The following FBLIM1 variants were observed in gnomAD, a reference collection of about 807,000 sequenced individuals.
FBLIM1 encodes the protein filamin binding LIM protein 1, also known as filamin-binding LIM protein 1.
A neutral mutation model predicts 37.4 loss-of-function variants in FBLIM1; 29 were observed. The observed-to-expected ratio is 0.77, with a 90% CI of 0.58 to 1.06. The LOEUF is 1.06. FBLIM1 is among the 50% of genes least tolerant of loss of function. The pLI is 0.00. For synonymous variants in FBLIM1, 193 were observed against 199.0 expected (o/e 0.97, Z 0.25); for missense variants, 449 against 505.6 (o/e 0.89, Z 1.07).
At chr1:15,760,428 G>GC (rs2068612660) in intron 1 of FBLIM1, among the ~76,000 whole-genome samples, 1 of 151,832 alleles carries the variant, frequency 6.6e-6, no homozygotes, top group Non-Finnish European at 1.5e-5. Flanking sequence ...TACTCAGGAG[G>GC]CTGAGGCAGG....
intron 6 of FBLIM1, among the ~76,000 whole-genome samples, chr1:15,770,863 A>T (rs2069168287): frequency 6.6e-6 from 1 of 152,158 alleles, no homozygotes; most frequent in African/African-American, 2.4e-5. Flanking sequence ...GCCAAAACCA[A>T]GGTGGTGTGC....
chr1:15,774,478 C>T (rs2069390212), intron 6 of FBLIM1, 140 bp from the exon 7 acceptor site: 8 of 1,092,898 alleles, frequency 7.3e-6, no homozygotes, highest in Non-Finnish European at 1.0e-5. Context: ...AGGTTTTGGG[C>T]GATAGTTACA....
Position 15,786,315 on chromosome 1 carries a change from CTG to C in FBLIM1, c.*1656_*1657del, listed in dbSNP as rs1160146495. The C allele has an allele frequency of 6.6e-6, 1 of 152,164 alleles. No individual in the cohort carries two copies. The highest frequency in any genetic ancestry group is 2.4e-5 in the African/African-American group (1 of 41,446). 9.4% of individuals were successfully genotyped at this position (152,164 alleles called of 1,614,324 possible). Reference sequence around the variant, plus strand: ...GGGGCCGTGCACTGGGCAGGCTTCTCTGTAGAACCCCAGGGGCTTCGGCCCAG... The same window carrying C: ...GGGGCCGTGCACTGGGCAGGCTTCTCTAGAACCCCAGGGGCTTCGGCCCAG... On this transcript the variant is annotated 3_prime_UTR_variant, in exon 9 of 9. Transcript: ENST00000375766.
Position 15,784,761 on chromosome 1 carries a change from GCC to G in FBLIM1, c.*101_*102del. The G allele has an allele frequency of 9.4e-7, 1 of 1,066,890 alleles. No individual in the cohort carries two copies. 66.1% of individuals were successfully genotyped at this position (1,066,890 alleles called of 1,614,324 possible). ...CTGCTCTTGCACACTTTCCTTCTGA[GCC>G]TCCATGGAGACCAGCCTGCAAGCCG... On this transcript the variant is annotated 3_prime_UTR_variant, in exon 9 of 9. Coordinates refer to ENST00000375766, the MANE Select transcript of FBLIM1 (RefSeq NM_017556.4).
rs894140748 is a variant in FBLIM1 at position 15,786,386 on chromosome 1, T to C, written c.*1725T>C. The C allele has an allele frequency of 6.6e-6, 1 of 152,198 alleles. No individual in the cohort carries two copies. The highest frequency in any genetic ancestry group is 1.5e-5 in the Non-Finnish European group (1 of 68,058). The allele number at this position is 152,198 out of a possible 1,614,324, so 9.4% of individuals were successfully genotyped here. On this transcript the variant is annotated 3_prime_UTR_variant, in exon 9 of 9. Coordinates refer to ENST00000375766, the MANE Select transcript of FBLIM1 (RefSeq NM_017556.4). Reference sequence around the variant, plus strand: ...GAGCCTAGAGCAGGGAGTCCCGAACTTCTGCATTCACAGACCACCTCCACA... The same window carrying C: ...GAGCCTAGAGCAGGGAGTCCCGAACCTCTGCATTCACAGACCACCTCCACA...
At chr1:15,779,061 G>A (rs1310246135) in intron 8 of FBLIM1, among the ~76,000 whole-genome samples, 5 of 151,788 alleles carry the variant, frequency 3.3e-5, no homozygotes, top group Admixed American at 3.3e-4. Context: ...TCAGCCTCCT[G>A]AGTAGCTGGG....
At chr1:15,783,959 TG>T (rs1469342946) in intron 8 of FBLIM1, among the ~76,000 whole-genome samples, 2 of 152,070 alleles carry the variant, frequency 1.3e-5, no homozygotes, top group Admixed American at 1.3e-4. Context: ...GAAGCCAAGG[TG>T]GGCGGATCAC....
intron 1 of FBLIM1, among the ~76,000 whole-genome samples, chr1:15,760,858 G>T (rs895093688): frequency 1.3e-5 from 2 of 152,178 alleles, no homozygotes; most frequent in Non-Finnish European, 2.9e-5. Flanking sequence ...CTGACTGGGA[G>T]ATGGCCCCAG....
intron 7 of FBLIM1, chr1:15,776,954 T>G (rs1341644567): frequency 5.8e-6 from 3 of 520,476 alleles, no homozygotes; most frequent in Non-Finnish European, 1.0e-5. Context: ...CAGTTCTCAA[T>G]TCAGACAATC....
intron 8 of FBLIM1, among the ~76,000 whole-genome samples, chr1:15,780,762 C>T (rs2069615112): frequency 6.6e-6 from 1 of 152,140 alleles, no homozygotes; most frequent in South Asian, 2.1e-4. Flanking sequence ...TTTATTTAAA[C>T]AGATACTGGA....
upstream of FBLIM1, chr1:15,757,909 G>T (rs1287134650): frequency 6.6e-6 from 1 of 152,220 alleles, no homozygotes; most frequent in Non-Finnish European, 1.5e-5. This position sits in a 1 kb window ranked among gnomAD's most constrained non-coding sequence, Gnocchi z 4.1. Context: ...GAGGGGGAGG[G>T]TCACTGGATG....
intron 6 of FBLIM1, 108 bp downstream of exon 6, chr1:15,770,686 C>T (rs2148566709): frequency 7.7e-7 from 1 of 1,292,918 alleles, no homozygotes. Context: ...ACTATTGACC[C>T]CTTTCACAGA....
At chr1:15,783,920 A>G (rs1320156022) in intron 8 of FBLIM1, among the ~76,000 whole-genome samples, 1 of 152,164 alleles carries the variant, frequency 6.6e-6, no homozygotes, top group Non-Finnish European at 1.5e-5. Context: ...AGCCGGGCGC[A>G]CTGGCTCACA....
rs367878011 is a variant in FBLIM1 at position 15,784,572 on chromosome 1, G to C, written c.1033G>C (p.Glu345Gln). ...CEDCRILLSVEPTDQGCYPLN... is the reference protein window; with the variant it reads ...CEDCRILLSVQPTDQGCYPLN... ...GGACTGCAGGATCCTCCTGTCTGTC[G>C]AGCCCACGGACCAAGGCTGCTACCC... Residue 345 changes from glutamate to glutamine, a missense_variant, in exon 9 of 9, where the codon GAG becomes CAG. Transcript: ENST00000375766. 13 of 1,613,820 alleles carry C rather than the reference G, an allele frequency of 8.1e-6. No homozygotes were observed. In the Admixed American group the frequency reaches 1.0e-4, roughly 12 times the overall value.
At chr1:15,771,255 T>G (rs1013867424) in intron 6 of FBLIM1, among the ~76,000 whole-genome samples, 1 of 150,484 alleles carries the variant, frequency 6.6e-6, no homozygotes, top group Non-Finnish European at 1.5e-5. Flanking sequence ...TTTTGTTTTT[T>G]TTTTTTTTTA....
chr1:15,783,544 G>T (rs986226868), intron 8 of FBLIM1, among the ~76,000 whole-genome samples: 3 of 148,872 alleles, frequency 2.0e-5, no homozygotes, highest in Non-Finnish European at 4.5e-5. Context: ...CTTAAACAGG[G>T]TTCCTGTCTC....
chr1:15,759,148 G>C (rs2068543075), intron 1 of FBLIM1, among the ~76,000 whole-genome samples: 2 of 152,112 alleles, frequency 1.3e-5, no homozygotes, highest in Admixed American at 1.3e-4. Flanking sequence ...CGCGCAGGGC[G>C]GAAGCTCCCG....
At chr1:15,771,423 T>C (rs2148578433) in intron 6 of FBLIM1, among the ~76,000 whole-genome samples, 1 of 151,644 alleles carries the variant, frequency 6.6e-6, no homozygotes, top group African/African-American at 2.4e-5. Flanking sequence ...ATTTTTGTAT[T>C]TTTAGTAGAG....
intron 5 of FBLIM1, 21 bp from the exon 6 acceptor site, chr1:15,770,388 C>T (rs780693597): frequency 6.2e-7 from 1 of 1,606,982 alleles, no homozygotes; most frequent in African/African-American, 1.3e-5. Context: ...CTGGTGATGG[C>T]CTGTGTCTCC....
Sources: allele counts gnomAD v4.1 joint callset (sites outside exome capture counted in the v4.1 genomes callset), GRCh38; gene constraint gnomAD v4.1.1; non-coding constraint Gnocchi (gnomAD v3.1); transcripts MANE v1.5; gene names NCBI Gene and HGNC (gene_info 2026-07-23, HGNC 2026-07-21).